SUPT3H: variants seen among roughly 807,000 people sequenced by gnomAD.
SUPT3H encodes the protein SPT3 homolog, SAGA and STAGA complex component.
Under a neutral mutation model 44.3 loss-of-function variants are expected in SUPT3H, and 44 were observed. The ratio of observed to expected loss-of-function variants is 0.99; its 90% confidence interval spans 0.78 to 1.28. The LOEUF is 1.28. Among genes scored for constraint, SUPT3H ranks in the 50% most tolerant of loss-of-function variants. The probability of loss-of-function intolerance (pLI) is 0.00; values close to 1 mark genes in which losing one functional copy is unlikely to be tolerated. For missense variants in SUPT3H, 380 were observed against 387.1 expected (o/e 0.98, Z 0.15); for synonymous variants, 124 against 125.6 (o/e 0.99, Z 0.09).
At chr6:45,065,177 T>C (rs1425021290) in intron 3 of SUPT3H, among the ~76,000 whole-genome samples, 2 of 151,728 alleles carry the variant, frequency 1.3e-5, no homozygotes, top group African/African-American at 2.4e-5. Context: ...CGCTCAACTA[T>C]ATGGAAACTG....
chr6:44,976,709 T>C (rs1408895139), intron 6 of SUPT3H, among the ~76,000 whole-genome samples: 2 of 152,196 alleles, frequency 1.3e-5, no homozygotes, highest in Non-Finnish European at 2.9e-5. Flanking sequence ...AAACTAAAAA[T>C]ATTTTTTAAA....
intron 3 of SUPT3H, among the ~76,000 whole-genome samples, chr6:45,074,169 A>T (rs1054941536): frequency 6.6e-6 from 1 of 152,034 alleles, no homozygotes; most frequent in Non-Finnish European, 1.5e-5. Context: ...AATGGAAAAC[A>T]AAAAAGCTCC....
chr6:45,221,222 A>G (rs373936362), intron 2 of SUPT3H, among the ~76,000 whole-genome samples: 3 of 152,218 alleles, frequency 2.0e-5, no homozygotes, highest in East Asian at 3.9e-4. Context: ...AGGGCCTGTC[A>G]TGGGGTGGGG....
At chr6:45,241,211 C>T (rs1770254171) in intron 2 of SUPT3H, among the ~76,000 whole-genome samples, 1 of 142,394 alleles carries the variant, frequency 7.0e-6, no homozygotes, top group African/African-American at 2.4e-5. Flanking sequence ...AACAGGCCCC[C>T]CCCCAAATCT....
chr6:45,232,586 G>A (rs1297022078), intron 2 of SUPT3H, among the ~76,000 whole-genome samples: 1 of 152,180 alleles, frequency 6.6e-6, no homozygotes, highest in Non-Finnish European at 1.5e-5. Context: ...TTGAGCAGAT[G>A]AGAGGGTTCT....
chr6:44,977,932 A>G (rs1778568665), intron 6 of SUPT3H, among the ~76,000 whole-genome samples: 1 of 152,166 alleles, frequency 6.6e-6, no homozygotes. Flanking sequence ...TGCAGTTTTC[A>G]TAAGATCTAG....
At chr6:44,878,772 G>A (rs1387771663) in intron 10 of SUPT3H, among the ~76,000 whole-genome samples, 1 of 152,114 alleles carries the variant, frequency 6.6e-6, no homozygotes, top group Admixed American at 6.5e-5. Context: ...AGCCCACGGA[G>A]GGCAAGCCGA....
intron 3 of SUPT3H, among the ~76,000 whole-genome samples, chr6:45,062,597 G>T (rs7764102): frequency 1.3e-5 from 2 of 152,030 alleles, no homozygotes; most frequent in Non-Finnish European, 2.9e-5. Context: ...CAGGCCAGTG[G>T]GTGCGCGCAC....
At chr6:45,004,668 C>T (rs926327420) in intron 5 of SUPT3H, among the ~76,000 whole-genome samples, 1 of 152,098 alleles carries the variant, frequency 6.6e-6, no homozygotes, top group Non-Finnish European at 1.5e-5. Context: ...AATCTTGTAA[C>T]TCATATTAAC....
At chr6:45,311,938 T>C (rs567581908) in intron 2 of SUPT3H, among the ~76,000 whole-genome samples, 3 of 151,610 alleles carry the variant, frequency 2.0e-5, no homozygotes, top group East Asian at 3.9e-4. Context: ...AGTATAAAGG[T>C]AACAAAGAAC....
chr6:45,281,537 T>C (rs890998159), intron 2 of SUPT3H, among the ~76,000 whole-genome samples: 8 of 151,704 alleles, frequency 5.3e-5, no homozygotes, highest in African/African-American at 9.7e-5. Context: ...GGCAGCGAGG[T>C]TGGGGGAGGG....
At chr6:45,253,819 AG>A (rs2153654036) in intron 2 of SUPT3H, among the ~76,000 whole-genome samples, 1 of 143,846 alleles carries the variant, frequency 7.0e-6, no homozygotes, top group South Asian at 2.3e-4. Context: ...TAAGTACTGG[AG>A]GAAAAAATAC....
rs1650516667 is a variant in SUPT3H, at chr6:45,234,301, TG to T, written c.102-128296del. Among the ~76,000 whole-genome samples the T allele has an allele frequency of 5.3e-5, 8 of 151,876 alleles. No homozygotes were observed. The South Asian group carries it at 1.7e-3, about 32-fold the overall frequency. Reference sequence around the variant, plus strand: ...AAAGATACACTTTGGGAGGCCGAGGTGGGCAGATTGTCTGAGGTTAGGAGTT... The same window carrying T: ...AAAGATACACTTTGGGAGGCCGAGGTGGCAGATTGTCTGAGGTTAGGAGTT... On this transcript the variant is annotated intron_variant, in intron 2 of 10. Transcript: ENST00000371459.
chr6:45,180,076 GACAA>G lies in SUPT3H; in HGVS notation c.102-74074_102-74071del, dbSNP rs1213994231. On this transcript the variant is annotated intron_variant, in intron 2 of 10. Transcript: ENST00000371459. ...CAAGCATTCTTATACACCAATAACA[GACAA>G]ACAGAGAGCCAAATCATGAGTGAAC... Among the ~76,000 whole-genome samples, 7 of 147,962 alleles carry G rather than the reference GACAA, an allele frequency of 4.7e-5. No homozygotes were observed. In the South Asian group the frequency reaches 1.1e-3, roughly 24 times the overall value.
chr6:44,926,992 A>C (rs1339711293), intron 10 of SUPT3H, among the ~76,000 whole-genome samples: 2 of 152,194 alleles, frequency 1.3e-5, no homozygotes, highest in Non-Finnish European at 1.5e-5. Flanking sequence ...CCTTTGATCC[A>C]GGAATTTCAC....
intron 6 of SUPT3H, among the ~76,000 whole-genome samples, chr6:44,964,453 A>T (rs776243281): frequency 2.8e-4 from 42 of 152,280 alleles, no homozygotes; most frequent in East Asian, 1.9e-4. Context: ...GCCTCTGCAT[A>T]TATGCTTACA....
At chr6:45,050,061 T>A (rs1790029763) in intron 3 of SUPT3H, among the ~76,000 whole-genome samples, 1 of 152,172 alleles carries the variant, frequency 6.6e-6, no homozygotes, top group African/African-American at 2.4e-5. Flanking sequence ...ACAGAGCTCC[T>A]TTAATTCAAG....
intron 3 of SUPT3H, among the ~76,000 whole-genome samples, chr6:45,086,194 G>T (rs1010344609): frequency 6.6e-6 from 1 of 151,876 alleles, no homozygotes; most frequent in Non-Finnish European, 1.5e-5. Flanking sequence ...AAAATAAAAT[G>T]AACAAATTTC....
chr6:45,286,738 C>T (rs1429539166), intron 2 of SUPT3H, among the ~76,000 whole-genome samples: 1 of 152,186 alleles, frequency 6.6e-6, no homozygotes, highest in Non-Finnish European at 1.5e-5. Flanking sequence ...CATCCCATTA[C>T]TGGGTATATA....
Sources: allele counts gnomAD v4.1 joint callset (sites outside exome capture counted in the v4.1 genomes callset), GRCh38; gene constraint gnomAD v4.1.1; transcripts MANE v1.5; gene names NCBI Gene and HGNC (gene_info 2026-07-23, HGNC 2026-07-21).